Variants in SLCO1C1 observed in about 807,000 individuals in gnomAD.
SLCO1C1 encodes the protein solute carrier organic anion transporter family member 1C1, also known as OAT-RP-5.
A neutral mutation model predicts 76.4 loss-of-function variants in SLCO1C1; 70 were observed. That is an observed-to-expected ratio of 0.92 (90% CI 0.76 to 1.12). The LOEUF (loss-of-function observed/expected upper bound fraction) is 1.12. Ranked by LOEUF, SLCO1C1 falls within the 50% of genes most tolerant of loss-of-function variation. SLCO1C1 has a pLI of 0.00. For missense variants in SLCO1C1, 912 were observed against 823.8 expected (o/e 1.11, Z -1.31); for synonymous variants, 306 against 286.1 (o/e 1.07, Z -0.70).
chr12:20,722,184 A>T lies in SLCO1C1; in HGVS notation c.1021+135A>T, dbSNP rs911937535. On this transcript the variant is annotated intron_variant, in intron 8 of 14. Transcript: ENST00000266509. ...ATATCAGAAGCAAAAATGGAAATTG[A>T]TGTCAGCTTTATTACTGAACAACTG... The T allele has an allele frequency of 1.6e-4, 192 of 1,207,510 alleles. 1 individual carries two copies. Among genetic ancestry groups the T allele is most frequent in the Non-Finnish European group, 2.1e-4 (186 of 893,556 alleles). The allele number at this position is 1,207,510 out of a possible 1,614,324, so 74.8% of individuals were successfully genotyped here.
At chr12:20,703,431 A>G (rs1265430998) in intron 3 of SLCO1C1, among the ~76,000 whole-genome samples, 2 of 151,730 alleles carry the variant, frequency 1.3e-5, no homozygotes, top group East Asian at 3.9e-4. Flanking sequence ...ATATTACCTT[A>G]TTACATTAGC....
At chr12:20,713,241 G>A (rs1272610382) in intron 5 of SLCO1C1, among the ~76,000 whole-genome samples, 6 of 151,548 alleles carry the variant, frequency 4.0e-5, no homozygotes, top group African/African-American at 9.7e-5. Context: ...TACCACGCCC[G>A]GCTAATTTTT....
rs532585322 is a variant in SLCO1C1 at position 20,700,414 on chromosome 12, C to CT, written c.129+712dup. On this transcript the variant is annotated intron_variant, in intron 2 of 14. Transcript: ENST00000266509. Reference sequence around the variant, plus strand: ...CCATTGTTAAAATCATGCTATTTTTCTTTGCTATTTAGTGATAGAAGTTTC... The same window carrying CT: ...CCATTGTTAAAATCATGCTATTTTTCTTTTGCTATTTAGTGATAGAAGTTTC... Among the ~76,000 whole-genome samples the CT allele has an allele frequency of 2.7e-4, 41 of 151,490 alleles. No individual in the cohort carries two copies. The East Asian group carries it at 6.8e-3, about 25-fold the overall frequency.
chr12:20,722,194 T>A, intron 8 of SLCO1C1, 145 bp downstream of exon 8: 1 of 1,135,964 alleles, frequency 8.8e-7, no homozygotes, highest in Non-Finnish European at 1.2e-6. Flanking sequence ...ATGTCAGCTT[T>A]ATTACTGAAC....
intron 3 of SLCO1C1, among the ~76,000 whole-genome samples, chr12:20,704,355 T>A (rs1205435229): frequency 6.6e-6 from 1 of 151,436 alleles, no homozygotes; most frequent in Non-Finnish European, 1.5e-5. Flanking sequence ...TTGTGTGGTA[T>A]TGGTGGAGTG....
chr12:20,750,848 A>G (rs1248570134), intron 14 of SLCO1C1, 56 bp downstream of exon 14: 14 of 1,613,936 alleles, frequency 8.7e-6, no homozygotes, highest in Non-Finnish European at 1.2e-5. Context: ...AGATTTACAC[A>G]ATGCCACTGA....
intron 12 of SLCO1C1, among the ~76,000 whole-genome samples, chr12:20,741,106 G>A (rs901365062): frequency 8.6e-5 from 13 of 151,826 alleles, no homozygotes; most frequent in Non-Finnish European, 1.6e-4. Flanking sequence ...AGGGAAGAGG[G>A]AAGAGCCTCT....
intron 9 of SLCO1C1, among the ~76,000 whole-genome samples, chr12:20,725,722 C>A (rs1027708770): frequency 6.6e-6 from 1 of 150,592 alleles, no homozygotes; most frequent in African/African-American, 2.4e-5. Context: ...GTAGATATTG[C>A]CAAAACACAC....
chr12:20,727,709 C>A (rs1948089271), intron 9 of SLCO1C1, among the ~76,000 whole-genome samples: 1 of 152,168 alleles, frequency 6.6e-6, no homozygotes, highest in Admixed American at 6.5e-5. Context: ...CAGGGTTTCA[C>A]TGTGTTAGCC....
intron 2 of SLCO1C1, 99 bp from the exon 3 acceptor site, chr12:20,701,219 T>C (rs1452801390): frequency 1.7e-6 from 2 of 1,188,664 alleles, no homozygotes; most frequent in Non-Finnish European, 2.2e-6. Context: ...TTATACATTG[T>C]TCTTTGTTGT....
chr12:20,721,570 A>T (rs1451303717), intron 7 of SLCO1C1, among the ~76,000 whole-genome samples: 1 of 152,186 alleles, frequency 6.6e-6, no homozygotes, highest in Non-Finnish European at 1.5e-5. Context: ...AAACAAAAAA[A>T]TTGATGTGAT....
chr12:20,737,299 G>A, intron 11 of SLCO1C1, 27 bp downstream of exon 11: 1 of 1,542,050 alleles, frequency 6.5e-7, no homozygotes, highest in Admixed American at 2.4e-5. Context: ...CAAGTATATG[G>A]CGATGGTCCT....
At chr12:20,706,149 T>G (rs749593867) in intron 4 of SLCO1C1, 68 bp downstream of exon 4, 2 of 1,504,328 alleles carry the variant, frequency 1.3e-6, no homozygotes, top group Non-Finnish European at 1.8e-6. Context: ...TTATGATGAT[T>G]ATTAATTATG....
chr12:20,735,515 G>A (rs1948497401), intron 10 of SLCO1C1, among the ~76,000 whole-genome samples: 1 of 152,040 alleles, frequency 6.6e-6, no homozygotes. Flanking sequence ...GACTTTAAAA[G>A]GCAGTTTTAT....
intron 9 of SLCO1C1, among the ~76,000 whole-genome samples, chr12:20,729,036 CT>C (rs2120804413): frequency 6.6e-6 from 1 of 152,098 alleles, no homozygotes; most frequent in Non-Finnish European, 1.5e-5. Context: ...GGAATACTTC[CT>C]TGATGGTAGA....
Position 20,717,139 on chromosome 12 carries a change from G to A in SLCO1C1, c.684G>A (p.Val228=). Residue 228 remains valine (V), a synonymous_variant, in exon 7 of 15, where the codon GTG becomes GTA. Coordinates refer to ENST00000266509, the MANE Select transcript of SLCO1C1 (RefSeq NM_017435.5). ...EDNAAFYIGC[V]QTVAIIGPIF... ...TTTCTTTTCTTGGTGCAGGGTGTGT[G>A]CAGACGGTTGCAATTATAGGACCAA... 2 of 1,602,314 alleles carry A rather than the reference G, an allele frequency of 1.2e-6. No homozygotes were observed. The highest frequency in any genetic ancestry group is 4.5e-5 in the East Asian group (2 of 44,248).
At chr12:20,706,861 G>C (rs893939227) in intron 4 of SLCO1C1, among the ~76,000 whole-genome samples, 2 of 152,078 alleles carry the variant, frequency 1.3e-5, no homozygotes, top group Admixed American at 1.3e-4. Flanking sequence ...TTTATCTATT[G>C]CTGATAAAAG....
intron 6 of SLCO1C1, 116 bp downstream of exon 6, chr12:20,715,401 T>G (rs1439112591): frequency 1.8e-6 from 2 of 1,141,850 alleles, no homozygotes; most frequent in African/African-American, 1.6e-5. Context: ...ATCCAACTCC[T>G]TTATTTAGCT....
chr12:20,711,448 TA>T lies in SLCO1C1; in HGVS notation c.468del (p.Glu157SerfsTer18). ...ACTCTCAGCATCTCTCCGTGTCTCCTAGAGTCAAGCAGTCAATTACCAGTTT... is the reference window on the plus strand; with the variant it reads ...ACTCTCAGCATCTCTCCGTGTCTCCTGAGTCAAGCAGTCAATTACCAGTTT... The part of the protein sequence containing the change: ...NSTLSISPCL[L>X]ESSSQLPVSV... On this transcript the variant is annotated frameshift_variant, in exon 5 of 15. Transcript: ENST00000266509. LOFTEE classifies it high-confidence loss of function. 4.3e-6 allele frequency: 7 copies of T among 1,613,974 alleles called. No homozygotes were observed. Among genetic ancestry groups the T allele is most frequent in the Non-Finnish European group, 5.9e-6 (7 of 1,179,914 alleles).
Sources: allele counts gnomAD v4.1 joint callset (sites outside exome capture counted in the v4.1 genomes callset), GRCh38; gene constraint gnomAD v4.1.1; transcripts MANE v1.5; gene names NCBI Gene and HGNC (gene_info 2026-07-23, HGNC 2026-07-21).